The following TSPAN15 variants were observed in gnomAD, a reference collection of about 807,000 sequenced individuals.
The protein encoded by TSPAN15 is tetraspanin-15.
A neutral mutation model predicts 34.5 loss-of-function variants in TSPAN15; 20 were observed. The observed-to-expected ratio is 0.58, with a 90% confidence interval of 0.41 to 0.84. The LOEUF (loss-of-function observed/expected upper bound fraction) is 0.84, where lower values mean the gene tolerates loss of function less well. Among genes scored for constraint, TSPAN15 ranks in the 40% least tolerant of loss-of-function variants. The pLI, the probability that TSPAN15 is intolerant of heterozygous loss-of-function variation, is 0.00. For synonymous variants in TSPAN15, 155 were observed against 153.9 expected, an observed-to-expected ratio of 1.01 and a Z score of -0.05; for missense variants, 313 against 386.1, an observed-to-expected ratio of 0.81 and a Z score of 1.59.
intron 3 of TSPAN15, among the ~76,000 whole-genome samples, chr10:69,487,846 A>G (rs1055870524): frequency 1.3e-5 from 2 of 152,220 alleles, no homozygotes; most frequent in East Asian, 3.8e-4. Flanking sequence ...CATCATCCCC[A>G]GACCCTGCAG....
intron 3 of TSPAN15, among the ~76,000 whole-genome samples, chr10:69,490,900 G>A (rs953168089): frequency 2.6e-5 from 4 of 152,134 alleles, no homozygotes; most frequent in African/African-American, 9.7e-5. Context: ...CTGCGGGTAC[G>A]GAACCCGTGG....
chr10:69,471,699 C>T (rs911939557), intron 1 of TSPAN15, among the ~76,000 whole-genome samples: 5 of 151,648 alleles, frequency 3.3e-5, no homozygotes, highest in Admixed American at 2.6e-4. Context: ...TCAGGCCATC[C>T]TCCCACCTCA....
intron 1 of TSPAN15, among the ~76,000 whole-genome samples, chr10:69,465,669 T>C (rs1447725267): frequency 1.3e-5 from 2 of 151,670 alleles, no homozygotes; most frequent in African/African-American, 4.9e-5. Context: ...GGTAACTCAC[T>C]CGTGAGAGCT....
At chr10:69,467,371 C>T (rs1841406559) in intron 1 of TSPAN15, among the ~76,000 whole-genome samples, 1 of 152,172 alleles carries the variant, frequency 6.6e-6, no homozygotes, top group Non-Finnish European at 1.5e-5. Context: ...CTGACCCTTG[C>T]CTGGGGCCAC....
the TSPAN15 span, among the ~76,000 whole-genome samples, chr10:69,539,605 T>A: frequency 6.6e-6 from 1 of 150,452 alleles, no homozygotes; most frequent in Non-Finnish European, 1.5e-5. Context: ...AATAGAAAAT[T>A]CAAAGGAAAA....
intron 1 of TSPAN15, among the ~76,000 whole-genome samples, chr10:69,479,114 C>T (rs150992495): frequency 0.011 from 1,660 of 152,338 alleles, 29 homozygotes; most frequent in African/African-American, 0.035. Context: ...CCCTTGTGAG[C>T]CTATAGAACG....
Position 69,506,679 on chromosome 10 carries a change from TG to T in TSPAN15, c.736-147del. 1 of 768,014 alleles carries T rather than the reference TG, an allele frequency of 1.3e-6. No homozygotes were observed. Among genetic ancestry groups the T allele is most frequent in the Non-Finnish European group, 2.1e-6 (1 of 476,190 alleles). The allele number at this position is 768,014 out of a possible 1,614,324, so 47.6% of individuals were successfully genotyped here. On this transcript the variant is annotated intron_variant, in intron 7 of 7. Coordinates refer to ENST00000373290, the MANE Select transcript of TSPAN15 (RefSeq NM_012339.5). This position sits in a 1 kb window ranked among gnomAD's most constrained non-coding sequence, Gnocchi z 4.7. Reference sequence around the variant, plus strand: ...GGAGCTTCTTGGGCAGTGTGGGTGCTGGGAGAAGTCTCTGCTGTGGGTGTTG... The same window carrying T: ...GGAGCTTCTTGGGCAGTGTGGGTGCTGGAGAAGTCTCTGCTGTGGGTGTTG...
At chr10:69,548,860 G>A in the TSPAN15 span, among the ~76,000 whole-genome samples, 1 of 152,002 alleles carries the variant, frequency 6.6e-6, no homozygotes, top group Non-Finnish European at 1.5e-5. Flanking sequence ...GAGACGCATT[G>A]CTATAATATG....
chr10:69,543,629 G>A, the TSPAN15 span, among the ~76,000 whole-genome samples: 1 of 152,160 alleles, frequency 6.6e-6, no homozygotes, highest in African/African-American at 2.4e-5. Context: ...TGCCCTACTG[G>A]GAGGCTGGGA....
intron 4 of TSPAN15, 115 bp from the exon 5 acceptor site, chr10:69,498,164 GC>G: frequency 1.2e-6 from 1 of 865,966 alleles, no homozygotes; most frequent in Non-Finnish European, 1.9e-6. Context: ...GCCTCTCCCT[GC>G]CCCAGGGTGA....
At chr10:69,539,498 A>AGAG in the TSPAN15 span, among the ~76,000 whole-genome samples, 5 of 76,608 alleles carry the variant, frequency 6.5e-5, no homozygotes, top group Non-Finnish European at 1.3e-4. Flanking sequence ...AAGAAGAAGA[A>AGAG]GAAGAAGAAG....
chr10:69,512,770 T>C, the TSPAN15 span, among the ~76,000 whole-genome samples: 4 of 152,264 alleles, frequency 2.6e-5, no homozygotes, highest in African/African-American at 9.6e-5. Context: ...CAGAAGTTCA[T>C]TTCTTTTTAT....
Position 69,507,265 on chromosome 10 carries a change from A to T in TSPAN15, c.*287A>T. ...CAGGCCTGGGCTACGGGGGAGGGAGAGCCTGAGGCTCTGCTCAGGGCCCAT... is the reference window on the plus strand; with the variant it reads ...CAGGCCTGGGCTACGGGGGAGGGAGTGCCTGAGGCTCTGCTCAGGGCCCAT... On this transcript the variant is annotated 3_prime_UTR_variant, in exon 8 of 8. Coordinates refer to ENST00000373290, the MANE Select transcript of TSPAN15 (RefSeq NM_012339.5). The T allele has an allele frequency of 3.7e-6, 5 of 1,334,218 alleles. No homozygotes were observed. The highest frequency in any genetic ancestry group is 4.8e-6 in the Non-Finnish European group (5 of 1,040,250). 82.6% of individuals were successfully genotyped at this position (1,334,218 alleles called of 1,614,324 possible). A position where few individuals can be genotyped will look rare whatever the true frequency, so the allele number is the denominator to read the frequency against.
intron 1 of TSPAN15, among the ~76,000 whole-genome samples, chr10:69,470,978 C>G (rs1031571881): frequency 2.0e-5 from 3 of 152,138 alleles, no homozygotes; most frequent in Non-Finnish European, 4.4e-5. Flanking sequence ...GTGGCTTGGT[C>G]CCTCCTCTAC....
intron 1 of TSPAN15, among the ~76,000 whole-genome samples, chr10:69,481,328 C>T (rs933978014): frequency 2.5e-4 from 38 of 152,162 alleles, no homozygotes; most frequent in Admixed American, 2.5e-3. Context: ...AAAGGTCTCA[C>T]TAATCCTGGA....
At chr10:69,475,055 C>T (rs981028794) in intron 1 of TSPAN15, among the ~76,000 whole-genome samples, 1 of 152,112 alleles carries the variant, frequency 6.6e-6, no homozygotes, top group Non-Finnish European at 1.5e-5. Context: ...GCCCGTGGCT[C>T]TCTTGGTTCA....
At chr10:69,471,274 T>C (rs10998817) in intron 1 of TSPAN15, among the ~76,000 whole-genome samples, 9,773 of 151,828 alleles carry the variant, frequency 0.064, 1,073 homozygotes, top group African/African-American at 0.22. Context: ...GGGGCTCTTG[T>C]ATCTAGAACC....
chr10:69,526,061 C>A, the TSPAN15 span, among the ~76,000 whole-genome samples: 1 of 145,460 alleles, frequency 6.9e-6, no homozygotes, highest in African/African-American at 2.5e-5. Context: ...GAGTTCGCCC[C>A]CAAACAAGCC....
the TSPAN15 span, among the ~76,000 whole-genome samples, chr10:69,548,921 G>A: frequency 1.3e-5 from 2 of 149,834 alleles, no homozygotes; most frequent in Non-Finnish European, 3.0e-5. Flanking sequence ...ATATTTCAAT[G>A]GTGGGGCTAA....
Sources: allele counts gnomAD v4.1 joint callset (sites outside exome capture counted in the v4.1 genomes callset), GRCh38; gene constraint gnomAD v4.1.1; non-coding constraint Gnocchi (gnomAD v3.1); transcripts MANE v1.5; gene names NCBI Gene and HGNC (gene_info 2026-07-23, HGNC 2026-07-21).